The following CSMD3 variants were observed in gnomAD, a reference collection of about 807,000 sequenced individuals.
CSMD3 encodes CUB and Sushi multiple domains 3.
Under a neutral mutation model 435.2 loss-of-function variants are expected in CSMD3, and 177 were observed. That is an observed-to-expected ratio of 0.41 (90% CI 0.36 to 0.46). The LOEUF (loss-of-function observed/expected upper bound fraction) is 0.46, where lower values mean the gene tolerates loss of function less well. CSMD3 is among the 20% of genes least tolerant of loss of function. The probability of loss-of-function intolerance (pLI) is 0.34; values close to 1 mark genes in which losing one functional copy is unlikely to be tolerated. For missense variants in CSMD3, 4,265 were observed against 4,504.6 expected (o/e 0.95, Z 1.52); for synonymous variants, 1,656 against 1,520.5 (o/e 1.09, Z -2.07).
intron 20 of CSMD3, among the ~76,000 whole-genome samples, chr8:112,639,621 A>G (rs1298229828): frequency 6.6e-6 from 1 of 152,166 alleles, no homozygotes; most frequent in Non-Finnish European, 1.5e-5. Flanking sequence ...AACTTCTAAT[A>G]GCACAAACTA....
chr8:112,313,378 A>G (rs1822163887), intron 49 of CSMD3, among the ~76,000 whole-genome samples: 1 of 152,132 alleles, frequency 6.6e-6, no homozygotes, highest in South Asian at 2.1e-4. Flanking sequence ...AGTATCACAA[A>G]TAGATGGATA....
Position 112,775,430 on chromosome 8 carries a change from C to T in CSMD3, c.1972+24732G>A, listed in dbSNP as rs62516533. Among the ~76,000 whole-genome samples, 696 of 151,850 alleles carry T rather than the reference C, an allele frequency of 4.6e-3. 1 individual carries two copies. The highest frequency in any genetic ancestry group is 7.4e-3 in the Non-Finnish European group (501 of 67,852). On this transcript the variant is annotated intron_variant, in intron 13 of 70. Transcript: ENST00000297405. ...AAATATCACTGAATCAAGCTTTTAT[C>T]ATTTTGAATTCCTTGTTACTTATAT...
intron 22 of CSMD3, among the ~76,000 whole-genome samples, chr8:112,632,958 T>C (rs1329453005): frequency 6.6e-6 from 1 of 151,988 alleles, no homozygotes; most frequent in Non-Finnish European, 1.5e-5. Flanking sequence ...TTAACTAAAA[T>C]ATCATTTTTT....
chr8:112,537,522 TA>T (rs996319600), intron 27 of CSMD3, among the ~76,000 whole-genome samples: 13 of 151,856 alleles, frequency 8.6e-5, no homozygotes, highest in Non-Finnish European at 8.8e-5. Context: ...AAGCCTCAGG[TA>T]AAAATCACAG....
At chr8:113,321,774 G>A (rs1179972682) in intron 1 of CSMD3, among the ~76,000 whole-genome samples, 1 of 152,082 alleles carries the variant, frequency 6.6e-6, no homozygotes, top group Non-Finnish European at 1.5e-5. Flanking sequence ...ATAATTTTGG[G>A]TAAATTTTTG....
chr8:112,354,988 C>A (rs56276823), intron 38 of CSMD3, among the ~76,000 whole-genome samples: 59,536 of 152,032 alleles, frequency 0.39, 13,263 homozygotes, highest in Middle Eastern at 0.54. Flanking sequence ...CAGCATGGTA[C>A]TGGTACAGAA....
intron 5 of CSMD3, among the ~76,000 whole-genome samples, chr8:113,063,064 C>T (rs1241467155): frequency 6.7e-6 from 1 of 148,696 alleles, no homozygotes; most frequent in Non-Finnish European, 1.5e-5. Context: ...TAAATGTTTC[C>T]AGAAAGAAAA....
chr8:113,355,678 A>G (rs1254904539), intron 1 of CSMD3, among the ~76,000 whole-genome samples: 1 of 146,732 alleles, frequency 6.8e-6, no homozygotes, highest in Admixed American at 6.8e-5. Flanking sequence ...ATAAATATAC[A>G]TATATTTGAA....
chr8:112,282,582 A>C (rs1352596139), intron 58 of CSMD3, among the ~76,000 whole-genome samples: 1 of 152,102 alleles, frequency 6.6e-6, no homozygotes, highest in Non-Finnish European at 1.5e-5. Flanking sequence ...ATAAAAATCA[A>C]GAATTTCTTT....
intron 13 of CSMD3, among the ~76,000 whole-genome samples, chr8:112,727,926 G>A (rs2076999255): frequency 6.6e-6 from 1 of 151,754 alleles, no homozygotes; most frequent in African/African-American, 2.4e-5. Context: ...AAATCTTAGT[G>A]TCTAAAATTT....
chr8:113,198,581 GT>G (rs903262464), intron 3 of CSMD3, among the ~76,000 whole-genome samples: 1 of 150,296 alleles, frequency 6.7e-6, no homozygotes, highest in African/African-American at 2.4e-5. Flanking sequence ...GGTTGTGTTT[GT>G]TTTTGTTTTT....
intron 65 of CSMD3, among the ~76,000 whole-genome samples, chr8:112,242,234 C>T (rs1280436570): frequency 1.3e-5 from 2 of 152,010 alleles, no homozygotes; most frequent in Non-Finnish European, 2.9e-5. Flanking sequence ...ATTGGATAGA[C>T]TTAAAGGTGA....
intron 2 of CSMD3, among the ~76,000 whole-genome samples, chr8:113,290,485 T>C (rs1424142264): frequency 6.6e-6 from 1 of 151,712 alleles, no homozygotes; most frequent in East Asian, 1.9e-4. Context: ...ATTGTTTCCA[T>C]TGTGCCCAAT....
rs1007897538 is a variant in CSMD3, at chr8:112,970,719, T to G, written c.1342+5118A>C. 1.2e-4 allele frequency among the ~76,000 whole-genome samples: 18 copies of G among 151,238 alleles called. No individual in the cohort carries two copies. The East Asian group carries it at 3.5e-3, about 29-fold the overall frequency. ...TTTCAAACATTAATTCAGCTTGCTT[T>G]CTTTTCTTTTTTTTTTTTTTTATAT... On this transcript the variant is annotated intron_variant, in intron 7 of 70. Transcript: ENST00000297405.
intron 5 of CSMD3, among the ~76,000 whole-genome samples, chr8:113,068,381 T>C (rs1227101279): frequency 6.6e-6 from 1 of 152,166 alleles, no homozygotes; most frequent in Non-Finnish European, 1.5e-5. Context: ...TAGAGACTCC[T>C]GCACAAGAGA....
At chr8:112,515,208 G>T (rs1036577855) in intron 28 of CSMD3, among the ~76,000 whole-genome samples, 17 of 152,020 alleles carry the variant, frequency 1.1e-4, no homozygotes, top group Non-Finnish European at 1.5e-5. Context: ...AGGATTTTAT[G>T]TAAAAACAAT....
chr8:112,924,323 G>A (rs1039896260), intron 9 of CSMD3, among the ~76,000 whole-genome samples: 1 of 152,162 alleles, frequency 6.6e-6, no homozygotes, highest in Non-Finnish European at 1.5e-5. Context: ...AAAAGTAGTA[G>A]CTACAAGCTA....
At chr8:112,495,068 C>A (rs1821200580) in intron 30 of CSMD3, among the ~76,000 whole-genome samples, 1 of 152,114 alleles carries the variant, frequency 6.6e-6, no homozygotes, top group South Asian at 2.1e-4. Context: ...TATGAAAGAA[C>A]CAGCAGGGTA....
chr8:112,982,431 T>C (rs1470506208), intron 6 of CSMD3, among the ~76,000 whole-genome samples: 1 of 151,906 alleles, frequency 6.6e-6, no homozygotes, highest in African/African-American at 2.4e-5. Context: ...ACCAGAATCC[T>C]GAATCTTTAG....
Sources: gnomAD v4.1 joint callset for allele counts (sites outside exome capture counted in the v4.1 genomes callset) on GRCh38, gnomAD v4.1.1 for gene constraint, MANE v1.5 for transcripts, NCBI Gene and HGNC (gene_info 2026-07-23, HGNC 2026-07-21) for gene names.